Variants in KMT2C observed in about 807,000 individuals in gnomAD.
KMT2C encodes lysine methyltransferase 2C.
KMT2C carries 88 observed loss-of-function variants against 507.9 expected under a neutral mutation model. The observed-to-expected ratio is 0.17, with a 90% CI of 0.15 to 0.21. The LOEUF (loss-of-function observed/expected upper bound fraction) is 0.21. Ranked by LOEUF, KMT2C falls within the 10% of genes least tolerant of loss-of-function variation. KMT2C has a pLI of 1.00. For missense variants in KMT2C, 4,954 were observed against 5,957.8 expected (o/e 0.83, Z 5.55); for synonymous variants, 2,049 against 2,080.8 (o/e 0.98, Z 0.42).
In KMT2C at chr7:152,169,200, C is replaced by T; in HGVS notation, c.9503G>A (p.Gly3168Asp). ...TTTATACTTACTGACAAAGCCTGGA[C>T]CAAAATTTGGAGGATTAGGCCTAGA... Reference protein sequence around the residue: ...QISRPNPPNFGPGFVNDSQRK... With the variant: ...QISRPNPPNFDPGFVNDSQRK... Residue 3168 changes from glycine to aspartate, a missense_variant, in exon 41 of 59, where the codon GGT becomes GAT. Coordinates refer to ENST00000262189, the MANE Select transcript of KMT2C (RefSeq NM_170606.3). The T allele has an allele frequency of 6.3e-7, 1 of 1,598,496 alleles. No homozygotes were observed. The highest frequency in any genetic ancestry group is 8.6e-7 in the Non-Finnish European group (1 of 1,166,114).
At chr7:152,319,453 G>T (rs886719937) in intron 3 of KMT2C, among the ~76,000 whole-genome samples, 6 of 152,172 alleles carry the variant, frequency 3.9e-5, no homozygotes, top group Admixed American at 2.0e-4. Flanking sequence ...GCCACCAGAG[G>T]AGTCCTTGGT....
rs911234543 is a variant in KMT2C at position 152,181,671 on chromosome 7, T to G, written c.6189A>C (p.Ala2063=). 4 of 1,614,136 alleles carry G rather than the reference T, an allele frequency of 2.5e-6. No homozygotes were observed. Among genetic ancestry groups the G allele is most frequent in the Middle Eastern group, 1.6e-4 (1 of 6,062 alleles). ...SQDPYGSVSQ[A]SRRLSVDPYE... ...AAGGGTCAACAGACAATCGCCTTGA[T>G]GCCTGTGACACTGATCCATAAGGAT... Residue 2063 remains alanine, a synonymous_variant, in exon 36 of 59, where the codon GCA becomes GCC. Coordinates refer to ENST00000262189, the MANE Select transcript of KMT2C (RefSeq NM_170606.3).
intron 6 of KMT2C, among the ~76,000 whole-genome samples, chr7:152,297,350 TGA>T (rs752043386): frequency 3.9e-5 from 6 of 152,164 alleles, no homozygotes; most frequent in Non-Finnish European, 8.8e-5. Flanking sequence ...CACAGAATGC[TGA>T]GAGGAGACAG....
intron 1 of KMT2C, among the ~76,000 whole-genome samples, chr7:152,364,344 A>G (rs2097220089): frequency 6.6e-6 from 1 of 152,226 alleles, no homozygotes; most frequent in African/African-American, 2.4e-5. Flanking sequence ...GTGGTGGCTC[A>G]CGCCTCTAAT....
chr7:152,188,751 A>G (rs1217038626), intron 31 of KMT2C, among the ~76,000 whole-genome samples: 1 of 151,782 alleles, frequency 6.6e-6, no homozygotes, highest in Non-Finnish European at 1.5e-5. Context: ...TTGGAATCAC[A>G]GGCACTTGCC....
At chr7:152,393,898 CAAAAAAA>C (rs745616896) in intron 1 of KMT2C, among the ~76,000 whole-genome samples, 47 of 65,300 alleles carry the variant, frequency 7.2e-4, no homozygotes, top group African/African-American at 1.9e-3. Flanking sequence ...AACTCCATCT[CAAAAAAA>C]AAAAAAAAAA....
chr7:152,217,472 G>A (rs1203894445), intron 23 of KMT2C, among the ~76,000 whole-genome samples: 1 of 152,130 alleles, frequency 6.6e-6, no homozygotes. Flanking sequence ...CTTTCCTTCT[G>A]CAAAGGATGT....
chr7:152,152,441 G>A (rs961332226), intron 49 of KMT2C, among the ~76,000 whole-genome samples: 8 of 152,190 alleles, frequency 5.3e-5, no homozygotes, highest in South Asian at 2.1e-4. Context: ...GGGCAAGCCC[G>A]TCACAGGCTT....
At position 152,144,641 on chromosome 7, in the gene KMT2C, G is replaced by T. The variant is rs2129092513; in HGVS notation, c.14343+72C>A. The T allele has an allele frequency of 1.4e-6, 2 of 1,401,242 alleles. No homozygotes were observed. Among genetic ancestry groups the T allele is most frequent in the Non-Finnish European group, 9.9e-7 (1 of 1,009,092 alleles). The allele number at this position is 1,401,242 out of a possible 1,614,324, so 86.8% of individuals were successfully genotyped here. A position where few individuals can be genotyped will look rare whatever the true frequency, so the allele number is the denominator to read the frequency against. ...CTATGTGAAATCATTTTCACATACTGGACATCAATAGCTTCAGATTGCTAG... is the reference window on the plus strand; with the variant it reads ...CTATGTGAAATCATTTTCACATACTTGACATCAATAGCTTCAGATTGCTAG... On this transcript the variant is annotated intron_variant, in intron 55 of 58. Transcript: ENST00000262189. The surrounding 1 kb of genome is among the most constrained non-coding windows in gnomAD (Gnocchi z 4.4).
At chr7:152,344,815 G>A (rs1389081446) in intron 2 of KMT2C, among the ~76,000 whole-genome samples, 3 of 151,918 alleles carry the variant, frequency 2.0e-5, no homozygotes, top group African/African-American at 4.8e-5. Flanking sequence ...GTGAAACACC[G>A]TCTCTACTAA....
At chr7:152,386,224 A>G (rs1355441954) in intron 1 of KMT2C, among the ~76,000 whole-genome samples, 28 of 47,248 alleles carry the variant, frequency 5.9e-4, no homozygotes, top group African/African-American at 1.5e-3. Flanking sequence ...AAAAAAAAAA[A>G]GGGACAATAG....
chr7:152,186,090 T>C (rs2093619051), intron 33 of KMT2C, among the ~76,000 whole-genome samples: 1 of 152,206 alleles, frequency 6.6e-6, no homozygotes, highest in South Asian at 2.1e-4. Flanking sequence ...TCAAACCATT[T>C]ATATGAAACT....
chr7:152,340,086 G>A (rs1382563389), intron 2 of KMT2C, among the ~76,000 whole-genome samples: 1 of 151,128 alleles, frequency 6.6e-6, no homozygotes. Context: ...TGGGCTGAAG[G>A]TATCCTCCCA....
chr7:152,412,029 T>C (rs989819569), intron 1 of KMT2C, among the ~76,000 whole-genome samples: 2 of 152,286 alleles, frequency 1.3e-5, no homozygotes, highest in African/African-American at 4.8e-5. Context: ...ATGTCCTACT[T>C]GGGCCTCACT....
intron 23 of KMT2C, among the ~76,000 whole-genome samples, chr7:152,216,842 C>T (rs1276351359): frequency 6.6e-6 from 1 of 152,124 alleles, no homozygotes; most frequent in Non-Finnish European, 1.5e-5. Flanking sequence ...GGACACAAGA[C>T]ACAATTGCTC....
In KMT2C at chr7:152,162,657, A is replaced by G. The variant is rs1349020259; in HGVS notation, c.10920T>C (p.Thr3640=). 4.3e-6 allele frequency: 7 copies of G among 1,614,214 alleles called. No homozygotes were observed. Among genetic ancestry groups the G allele is most frequent in the East Asian group, 2.2e-5 (1 of 44,882 alleles). ...TAPPTPGISE[T]TSTPAVSTPS... ...GTGTGCTCACTGCAGGAGTAGAGGT[A>G]GTTTCTGAGATGCCTGGAGTCGGTG... Residue 3640 remains threonine, a synonymous_variant, in exon 43 of 59, where the codon ACT becomes ACC. Transcript: ENST00000262189.
intron 56 of KMT2C, 96 bp from the exon 57 acceptor site, chr7:152,139,355 G>T: frequency 9.1e-7 from 1 of 1,101,464 alleles, no homozygotes; most frequent in Non-Finnish European, 1.4e-6. Context: ...AAACTGAACG[G>T]AACGGCAGCC....
chr7:152,294,282 T>C (rs1227747071), intron 6 of KMT2C, among the ~76,000 whole-genome samples: 1 of 152,162 alleles, frequency 6.6e-6, no homozygotes, highest in South Asian at 2.1e-4. Context: ...AAATAATCCA[T>C]TGTTAATTTT....
intron 1 of KMT2C, among the ~76,000 whole-genome samples, chr7:152,373,946 A>G (rs2097309599): frequency 6.6e-6 from 1 of 152,188 alleles, no homozygotes; most frequent in Admixed American, 6.5e-5. Flanking sequence ...AGACACAATT[A>G]ATCAACCTAT....
Sources: allele counts gnomAD v4.1 joint callset (sites outside exome capture counted in the v4.1 genomes callset), GRCh38; gene constraint gnomAD v4.1.1; non-coding constraint Gnocchi (gnomAD v3.1); transcripts MANE v1.5; gene names NCBI Gene and HGNC (gene_info 2026-07-23, HGNC 2026-07-21).